The following NR2C2 variants were observed in gnomAD, a reference collection of about 807,000 sequenced individuals.
NR2C2 encodes Nuclear hormone receptor TR4.
NR2C2 carries 6 observed loss-of-function variants against 62.9 expected under a neutral mutation model. That is an observed-to-expected ratio of 0.10 (90% confidence interval 0.05 to 0.19). The LOEUF (loss-of-function observed/expected upper bound fraction) is 0.19, where lower values mean the gene tolerates loss of function less well. Among genes scored for constraint, NR2C2 ranks in the 10% least tolerant of loss-of-function variants. The probability of loss-of-function intolerance (pLI) is 1.00; values close to 1 mark genes in which losing one functional copy is unlikely to be tolerated. For missense variants in NR2C2, 479 were observed against 762.7 expected (o/e 0.63, Z 4.38); for synonymous variants, 272 against 273.8 (o/e 0.99, Z 0.07).
chr3:15,021,597 A>G (rs1575017119), intron 5 of NR2C2, among the ~76,000 whole-genome samples: 1 of 152,324 alleles, frequency 6.6e-6, no homozygotes, highest in East Asian at 1.9e-4. Context: ...GATGGGCAGC[A>G]CAAAGAAATC....
chr3:14,993,514 T>A (rs1321996308), intron 1 of NR2C2, among the ~76,000 whole-genome samples: 2 of 152,158 alleles, frequency 1.3e-5, no homozygotes, highest in Non-Finnish European at 2.9e-5. Context: ...TGATGTCTAT[T>A]CATAATTATC....
chr3:15,011,775 C>T (rs1378373200), intron 2 of NR2C2, among the ~76,000 whole-genome samples: 1 of 152,140 alleles, frequency 6.6e-6, no homozygotes, highest in African/African-American at 2.4e-5. Flanking sequence ...TTGGCTGTGC[C>T]GTGTAGCACA....
chr3:14,951,535 C>T (rs926646328), intron 1 of NR2C2, among the ~76,000 whole-genome samples: 1 of 151,664 alleles, frequency 6.6e-6, no homozygotes, highest in Non-Finnish European at 1.5e-5. Context: ...TTTGGTATCA[C>T]TTGTTCAATT....
chr3:14,997,553 A>ACATACCTTGCAGGATCTCAGCCTCAC (rs2040866166), intron 1 of NR2C2, among the ~76,000 whole-genome samples: 1 of 152,176 alleles, frequency 6.6e-6, no homozygotes, highest in Non-Finnish European at 1.5e-5. Context: ...ATCCTGGGAG[A>ACATACCTTGCAGGATCTCAGCCTCAC]CATACCTTGC....
intron 1 of NR2C2, among the ~76,000 whole-genome samples, chr3:14,997,048 A>C (rs1283018739): frequency 6.6e-6 from 1 of 152,274 alleles, no homozygotes; most frequent in African/African-American, 2.4e-5. Context: ...GTCACAAACC[A>C]AATGTGAACC....
chr3:15,016,214 G>T lies in NR2C2; in HGVS notation c.336G>T (p.Gln112His). The change falls in exon 4 of 14, where the codon CAG (glutamine) becomes CAT (histidine). Residue 112 changes from glutamine (Q) to histidine (H), a missense_variant. Physicochemically the swap from Gln to His is conservative, Grantham distance 24. Transcript: ENST00000425241. ...LLGKTDVQRP[Q>H]VVEYCVVCGD... ...GGAAGACGGACGTCCAGCGGCCCCAGGTGGTAGAGTACTGTGTGGTCTGTG... is the reference window on the plus strand; with the variant it reads ...GGAAGACGGACGTCCAGCGGCCCCATGTGGTAGAGTACTGTGTGGTCTGTG... 2 of 1,614,136 alleles carry T rather than the reference G, an allele frequency of 1.2e-6. No homozygotes were observed. Among genetic ancestry groups the T allele is most frequent in the Non-Finnish European group, 8.5e-7 (1 of 1,180,008 alleles).
chr3:15,028,102 CACCTCCCTTG>C, intron 7 of NR2C2, among the ~76,000 whole-genome samples: 1 of 152,230 alleles, frequency 6.6e-6, no homozygotes, highest in South Asian at 2.1e-4. Flanking sequence ...TCAGGTGATC[CACCTCCCTTG>C]GCCTCCCAAA....
chr3:14,987,264 G>A (rs1274102931), intron 1 of NR2C2, among the ~76,000 whole-genome samples: 1 of 151,884 alleles, frequency 6.6e-6, no homozygotes, highest in African/African-American at 2.4e-5. Context: ...TTTATTTTTT[G>A]TAGAGATGAG....
intron 5 of NR2C2, 47 bp from the exon 6 acceptor site, chr3:15,023,153 G>C (rs2041724968): frequency 6.2e-7 from 1 of 1,601,910 alleles, no homozygotes; most frequent in Non-Finnish European, 8.5e-7. Context: ...GGTTTTTATT[G>C]ATTGGAATTG....
chr3:14,954,184 G>A, intron 1 of NR2C2, among the ~76,000 whole-genome samples: 1 of 152,060 alleles, frequency 6.6e-6, no homozygotes. Flanking sequence ...AAAAGCAGAT[G>A]TCACAAAGTA....
chr3:15,034,880 C>G, intron 11 of NR2C2, 71 bp downstream of exon 11: 1 of 1,438,726 alleles, frequency 7.0e-7, no homozygotes, highest in Non-Finnish European at 9.3e-7. Flanking sequence ...GAGCCCAGCC[C>G]CCTGGTTGGA....
intron 1 of NR2C2, among the ~76,000 whole-genome samples, chr3:14,948,900 C>G (rs1196393772): frequency 6.6e-6 from 1 of 152,136 alleles, no homozygotes; most frequent in East Asian, 1.9e-4. Context: ...CAGGCCGGAC[C>G]TCCCTTCTGA....
rs1344290212 is a variant in NR2C2 at position 15,044,204 on chromosome 3, G to A, written c.*1196G>A. ...GGTAAAGCTGGATGGAAGGTTTCAGGACAATTTCTTCCTGTTGACCTTAAA... is the reference window on the plus strand; with the variant it reads ...GGTAAAGCTGGATGGAAGGTTTCAGAACAATTTCTTCCTGTTGACCTTAAA... On this transcript the variant is annotated 3_prime_UTR_variant, in exon 14 of 14. Coordinates refer to ENST00000425241, the MANE Select transcript of NR2C2 (RefSeq NM_001291694.2). 2 of 152,176 alleles carry A rather than the reference G, an allele frequency of 1.3e-5. No individual in the cohort carries two copies. The highest frequency in any genetic ancestry group is 2.9e-5 in the Non-Finnish European group (2 of 68,046). The allele number at this position is 152,176 out of a possible 1,614,324, so 9.4% of individuals were successfully genotyped here. A position where few individuals can be genotyped will look rare whatever the true frequency, so the allele number is the denominator to read the frequency against.
chr3:14,957,102 G>A (rs1202961495), intron 1 of NR2C2, among the ~76,000 whole-genome samples: 1 of 152,182 alleles, frequency 6.6e-6, no homozygotes, highest in Non-Finnish European at 1.5e-5. Flanking sequence ...TGAGAGATGA[G>A]CTTAGTGCCT....
Position 15,042,940 on chromosome 3 carries a change from A to C in NR2C2, c.1723A>C (p.Ile575Leu). Residue 575 changes from isoleucine (I) to leucine (L), a missense_variant, in exon 14 of 14, where the codon ATA becomes CTA. Transcript: ENST00000425241. ...CATTGGCAATGTTTCGATAGACAGC[A>C]TAATCCCCTACATCCTCAAGATGGA... ...GLIGNVSIDS[I>L]IPYILKMETA... The C allele has an allele frequency of 6.2e-7, 1 of 1,614,236 alleles. No homozygotes were observed. Among genetic ancestry groups the C allele is most frequent in the Non-Finnish European group, 8.5e-7 (1 of 1,180,042 alleles).
chr3:15,030,463 T>G lies in NR2C2; in HGVS notation c.1110+11T>G. On this transcript the variant is annotated intron_variant, in intron 9 of 13. Transcript: ENST00000425241. ...CACGTCACATTTAAGGTGAGTGAATTCAGCCTAACCATGTGCCCCCAACCT... is the reference window on the plus strand; with the variant it reads ...CACGTCACATTTAAGGTGAGTGAATGCAGCCTAACCATGTGCCCCCAACCT... 6.4e-7 allele frequency: 1 copy of G among 1,568,398 alleles called. No homozygotes were observed. Among genetic ancestry groups the G allele is most frequent in the Non-Finnish European group, 8.6e-7 (1 of 1,159,764 alleles).
chr3:15,028,491 G>A lies in NR2C2; in HGVS notation c.799-95G>A, dbSNP rs554588426. ...TTTGTAGTCACACTTCCCTCTCCTC[G>A]AAGCTGTTTTTGAACCAGCATTATA... On this transcript the variant is annotated intron_variant, in intron 7 of 13. Transcript: ENST00000425241. 8 of 1,212,506 alleles carry A rather than the reference G, an allele frequency of 6.6e-6. No individual in the cohort carries two copies. The East Asian group carries it at 1.0e-4, about 15-fold the overall frequency. The allele number at this position is 1,212,506 out of a possible 1,614,324, so 75.1% of individuals were successfully genotyped here.
intron 1 of NR2C2, chr3:14,948,345 A>C (rs2039207284): frequency 6.6e-6 from 1 of 152,180 alleles, no homozygotes; most frequent in African/African-American, 2.4e-5. Context: ...CGGCCGTCGC[A>C]GCCCAACCGC....
chr3:15,010,012 A>G (rs2041304409), intron 2 of NR2C2, among the ~76,000 whole-genome samples: 1 of 152,182 alleles, frequency 6.6e-6, no homozygotes, highest in African/African-American at 2.4e-5. Flanking sequence ...TCTTATCCTA[A>G]TTACATTTGC....
Sources: allele counts gnomAD v4.1 joint callset (sites outside exome capture counted in the v4.1 genomes callset), GRCh38; gene constraint gnomAD v4.1.1; transcripts MANE v1.5; gene names NCBI Gene and HGNC (gene_info 2026-07-23, HGNC 2026-07-21).